RIC3: variants seen among roughly 807,000 people sequenced by gnomAD.
RIC3 encodes RIC3 acetylcholine receptor chaperone.
RIC3 carries 28 observed loss-of-function variants against 27.3 expected under a neutral mutation model. The ratio of observed to expected loss-of-function variants is 1.02; its 90% CI spans 0.76 to 1.41. The LOEUF (loss-of-function observed/expected upper bound fraction) is 1.41, where lower values mean the gene tolerates loss of function less well. RIC3 is among the 40% of genes most tolerant of loss of function. RIC3 has a pLI of 0.00. For synonymous variants in RIC3, 184 were observed against 160.4 expected, an observed-to-expected ratio of 1.15 and a Z score of -1.11; for missense variants, 501 against 444.7, an observed-to-expected ratio of 1.13 and a Z score of -1.14.
intron 1 of RIC3, among the ~76,000 whole-genome samples, chr11:8,161,314 G>C (rs190769402): frequency 6.6e-6 from 1 of 152,128 alleles, no homozygotes; most frequent in Non-Finnish European, 1.5e-5. Context: ...TAGTGAACTG[G>C]GGTCCCAAGT....
chr11:8,167,965 G>A (rs554241866), intron 1 of RIC3, among the ~76,000 whole-genome samples: 14 of 152,300 alleles, frequency 9.2e-5, no homozygotes, highest in African/African-American at 3.4e-4. Context: ...TACAGTCAAT[G>A]TGCATAAAGC....
At chr11:8,132,632 CA>C (rs1947871043) in intron 4 of RIC3, among the ~76,000 whole-genome samples, 1 of 152,162 alleles carries the variant, frequency 6.6e-6, no homozygotes, top group Non-Finnish European at 1.5e-5. Flanking sequence ...TAGATAATAT[CA>C]AAAACTTTCC....
chr11:8,112,223 A>AT (rs1945350411), intron 5 of RIC3, among the ~76,000 whole-genome samples: 1 of 152,140 alleles, frequency 6.6e-6, no homozygotes, highest in East Asian at 1.9e-4. Flanking sequence ...TTCACTCATA[A>AT]TAATTTGCTT....
At chr11:8,144,645 A>G (rs1186176083) in intron 1 of RIC3, among the ~76,000 whole-genome samples, 1 of 152,134 alleles carries the variant, frequency 6.6e-6, no homozygotes, top group Non-Finnish European at 1.5e-5. Flanking sequence ...ATCTAGAACT[A>G]GAAATACCAT....
the RIC3 span, chr11:8,097,465 G>A: frequency 2.5e-6 from 4 of 1,612,860 alleles, no homozygotes; most frequent in South Asian, 3.3e-5. Flanking sequence ...AGGCTTTACA[G>A]CCCTTTGAAA....
rs1952032534 is a variant in RIC3, at chr11:8,169,002, T to C, written c.-13A>G. ...TGGAGTACGCCATGACTGCTCACGGTGGTCGCAGGTGCAGACGCCAGCCGG... is the reference window on the plus strand; with the variant it reads ...TGGAGTACGCCATGACTGCTCACGGCGGTCGCAGGTGCAGACGCCAGCCGG... On this transcript the variant is annotated 5_prime_UTR_variant, in exon 1 of 6. Transcript: ENST00000309737. 3 of 1,562,428 alleles carry C rather than the reference T, an allele frequency of 1.9e-6. No individual in the cohort carries two copies. The highest frequency in any genetic ancestry group is 2.6e-6 in the Non-Finnish European group (3 of 1,159,496).
At chr11:8,096,615 G>C in the RIC3 span, 3 of 1,024,706 alleles carry the variant, frequency 2.9e-6, no homozygotes, top group Middle Eastern at 4.1e-4. Context: ...ATGAGTATGT[G>C]ACCATGTGTA....
intron 1 of RIC3, among the ~76,000 whole-genome samples, chr11:8,149,744 C>T (rs769520369): frequency 2.0e-5 from 3 of 152,174 alleles, no homozygotes; most frequent in African/African-American, 4.8e-5. Context: ...TTGGCTATGA[C>T]GGGATGGGGG....
rs1458620663 is a variant in RIC3, at chr11:8,107,115, A to G, written c.*3583T>C. 1 of 152,272 alleles carries G rather than the reference A, an allele frequency of 6.6e-6. No individual in the cohort carries two copies. The highest frequency in any genetic ancestry group is 1.5e-5 in the Non-Finnish European group (1 of 68,042). 9.4% of individuals were successfully genotyped at this position (152,272 alleles called of 1,614,324 possible). Reference sequence around the variant, plus strand: ...ATTTTCTTTGTATAAAAAAAGGGAAATAAAGGAAAAGGAAGCACATTTTAG... The same window carrying G: ...ATTTTCTTTGTATAAAAAAAGGGAAGTAAAGGAAAAGGAAGCACATTTTAG... On this transcript the variant is annotated 3_prime_UTR_variant, in exon 6 of 6. Transcript: ENST00000309737.
At chr11:8,131,577 C>A (rs1947713880) in intron 4 of RIC3, among the ~76,000 whole-genome samples, 1 of 152,090 alleles carries the variant, frequency 6.6e-6, no homozygotes, top group Non-Finnish European at 1.5e-5. Context: ...ATTTCCTCTT[C>A]TACCACAAAA....
At chr11:8,100,467 C>A in the RIC3 span, 1 of 1,549,372 alleles carries the variant, frequency 6.5e-7, no homozygotes, top group Non-Finnish European at 8.9e-7. Flanking sequence ...GGTAAATAGA[C>A]GCCTCAGGTG....
intron 1 of RIC3, among the ~76,000 whole-genome samples, chr11:8,156,238 C>A (rs1057244689): frequency 6.6e-6 from 1 of 152,214 alleles, no homozygotes; most frequent in African/African-American, 2.4e-5. Flanking sequence ...ATAGTTTCCA[C>A]TGATGACAAG....
intron 1 of RIC3, among the ~76,000 whole-genome samples, chr11:8,158,858 G>A (rs80010306): frequency 9.4e-6 from 1 of 106,774 alleles, no homozygotes; most frequent in African/African-American, 3.3e-5. Flanking sequence ...TCAGCCTCCC[G>A]AATAGCTGGG....
At chr11:8,099,766 G>A in the RIC3 span, among the ~76,000 whole-genome samples, 14 of 152,206 alleles carry the variant, frequency 9.2e-5, no homozygotes, top group South Asian at 1.2e-3. Context: ...CAGGGAGGGC[G>A]TCACTGAGGT....
chr11:8,159,548 C>G (rs915734634), intron 1 of RIC3, among the ~76,000 whole-genome samples: 2 of 152,112 alleles, frequency 1.3e-5, no homozygotes, highest in African/African-American at 4.8e-5. Flanking sequence ...GGAGGCAAAC[C>G]AGGGTGACAG....
chr11:8,113,211 T>C (rs1459771180), intron 5 of RIC3, among the ~76,000 whole-genome samples: 1 of 152,214 alleles, frequency 6.6e-6, no homozygotes, highest in Non-Finnish European at 1.5e-5. Flanking sequence ...AGCCACTGAA[T>C]GCTTAAAAGA....
At chr11:8,128,604 G>C (rs77557771) in intron 4 of RIC3, among the ~76,000 whole-genome samples, 2 of 151,980 alleles carry the variant, frequency 1.3e-5, no homozygotes, top group Non-Finnish European at 2.9e-5. Flanking sequence ...GTTGACAACA[G>C]TATAGACACA....
intron 5 of RIC3, among the ~76,000 whole-genome samples, chr11:8,114,671 G>A (rs1263264509): frequency 1.3e-5 from 2 of 150,302 alleles, no homozygotes; most frequent in East Asian, 3.9e-4. Context: ...AAGAATTCAA[G>A]ATAACTGTTT....
intron 1 of RIC3, among the ~76,000 whole-genome samples, chr11:8,140,982 G>A (rs1215012852): frequency 1.3e-5 from 2 of 149,402 alleles, no homozygotes; most frequent in Non-Finnish European, 3.0e-5. Context: ...AGCAAATGCT[G>A]AGAGATTTTG....
Sources: allele counts gnomAD v4.1 joint callset (sites outside exome capture counted in the v4.1 genomes callset), GRCh38; gene constraint gnomAD v4.1.1; transcripts MANE v1.5; gene names NCBI Gene and HGNC (gene_info 2026-07-23, HGNC 2026-07-21).